Variants in SUPT3H observed in about 807,000 individuals in gnomAD.
SUPT3H encodes the protein transcription initiation protein SPT3 homolog.
A neutral mutation model predicts 44.3 loss-of-function variants in SUPT3H; 44 were observed. The observed-to-expected ratio is 0.99, with a 90% CI of 0.78 to 1.28. The LOEUF is 1.28. SUPT3H is among the 50% of genes most tolerant of loss of function. The pLI is 0.00. For missense variants in SUPT3H, 380 were observed against 387.1 expected, an observed-to-expected ratio of 0.98 and a Z score of 0.15; for synonymous variants, 124 against 125.6, an observed-to-expected ratio of 0.99 and a Z score of 0.09.
chr6:45,044,446 G>A (rs549660269), intron 3 of SUPT3H, among the ~76,000 whole-genome samples: 2 of 152,172 alleles, frequency 1.3e-5, no homozygotes, highest in South Asian at 4.1e-4. Context: ...GTAATGTTAG[G>A]CTAGATCTCC....
intron 2 of SUPT3H, among the ~76,000 whole-genome samples, chr6:45,178,715 C>G (rs560142881): frequency 6.6e-6 from 1 of 152,318 alleles, no homozygotes; most frequent in Non-Finnish European, 1.5e-5. Flanking sequence ...AACAAACTGT[C>G]TCTCAGACCA....
intron 2 of SUPT3H, among the ~76,000 whole-genome samples, chr6:45,240,276 C>T (rs183297269): frequency 1.7e-4 from 26 of 152,252 alleles, no homozygotes; most frequent in African/African-American, 1.2e-4. Context: ...CTGAGGAAAG[C>T]GGACAACCTG....
intron 3 of SUPT3H, among the ~76,000 whole-genome samples, chr6:45,042,234 C>T (rs1174085471): frequency 6.6e-6 from 1 of 152,030 alleles, no homozygotes; most frequent in Admixed American, 6.6e-5. Context: ...ACCAGCCTGG[C>T]CAACATGGTG....
At chr6:45,372,365 G>C (rs1303669186) in intron 1 of SUPT3H, among the ~76,000 whole-genome samples, 1 of 152,182 alleles carries the variant, frequency 6.6e-6, no homozygotes, top group Non-Finnish European at 1.5e-5. Context: ...CAAAAGCATA[G>C]CTTCTTGAAA....
At chr6:45,336,938 A>G (rs1428920408) in intron 2 of SUPT3H, among the ~76,000 whole-genome samples, 1 of 151,698 alleles carries the variant, frequency 6.6e-6, no homozygotes, top group Admixed American at 6.6e-5. Context: ...TCATTATTAT[A>G]AACTGGCATA....
chr6:45,032,507 G>T (rs1787097910), intron 3 of SUPT3H, among the ~76,000 whole-genome samples: 1 of 152,160 alleles, frequency 6.6e-6, no homozygotes. Context: ...AAGGAAAAGA[G>T]ATTCCACTAA....
chr6:45,026,879 TTTTTGAAAAA>T (rs1483135194), intron 3 of SUPT3H, among the ~76,000 whole-genome samples: 14 of 152,168 alleles, frequency 9.2e-5, no homozygotes, highest in Admixed American at 9.2e-4. Flanking sequence ...TACCAAACTA[TTTTTGAAAAA>T]TTTGAAATGT....
chr6:45,046,209 C>T (rs1020892529), intron 3 of SUPT3H, among the ~76,000 whole-genome samples: 1 of 152,164 alleles, frequency 6.6e-6, no homozygotes, highest in Non-Finnish European at 1.5e-5. Context: ...ATTATCTAAC[C>T]TGTCAAACTG....
intron 2 of SUPT3H, among the ~76,000 whole-genome samples, chr6:45,321,138 TATAA>T (rs1196467457): frequency 7.9e-5 from 12 of 152,106 alleles, no homozygotes; most frequent in African/African-American, 2.9e-4. Context: ...ATTTGCCATA[TATAA>T]ATAAACTGTG....
chr6:45,141,461 T>A (rs563088151), intron 2 of SUPT3H, among the ~76,000 whole-genome samples: 95 of 143,116 alleles, frequency 6.6e-4, no homozygotes, highest in Non-Finnish European at 1.2e-3. Flanking sequence ...GTACAGCATA[T>A]AGATGAAAAA....
chr6:45,017,501 C>T (rs1016220350), intron 4 of SUPT3H, among the ~76,000 whole-genome samples: 1 of 151,972 alleles, frequency 6.6e-6, no homozygotes, highest in Non-Finnish European at 1.5e-5. Flanking sequence ...AGTCTTTAAT[C>T]CATCTTGAAT....
chr6:45,087,360 G>A (rs1796599805), intron 3 of SUPT3H, among the ~76,000 whole-genome samples: 1 of 151,664 alleles, frequency 6.6e-6, no homozygotes, highest in Non-Finnish European at 1.5e-5. Flanking sequence ...CACAAGGAAA[G>A]GGCACACGAA....
intron 10 of SUPT3H, among the ~76,000 whole-genome samples, chr6:44,832,795 C>T (rs942790586): frequency 9.9e-5 from 15 of 152,016 alleles, no homozygotes; most frequent in African/African-American, 3.4e-4. Context: ...TAAGCAGATA[C>T]AGATTTTACC....
rs533024433 is a variant in SUPT3H, at chr6:45,322,055, T to A, written c.101+43146A>T. Among the ~76,000 whole-genome samples, 31 of 152,180 alleles carry A rather than the reference T, an allele frequency of 2.0e-4. 1 individual carries two copies. The South Asian group carries it at 5.2e-3, about 25-fold the overall frequency. ...TAACTTAATAAGAATCATGAATAAT[T>A]ATCCAATGCAGCATTTTATAAAAAG... is the stretch of plus-strand genomic sequence containing the variant. On this transcript the variant is annotated intron_variant, in intron 2 of 10. Coordinates refer to ENST00000371459, the MANE Select transcript of SUPT3H (RefSeq NM_003599.4).
chr6:45,177,750 G>A (rs1352299317), intron 2 of SUPT3H, among the ~76,000 whole-genome samples: 3 of 151,992 alleles, frequency 2.0e-5, no homozygotes, highest in East Asian at 3.8e-4. Flanking sequence ...CCAGAAGAGA[G>A]TGGGGGCCAA....
intron 10 of SUPT3H, among the ~76,000 whole-genome samples, chr6:44,868,068 C>T (rs1394051465): frequency 1.3e-5 from 2 of 151,646 alleles, no homozygotes; most frequent in Non-Finnish European, 2.9e-5. Context: ...ACTGAATATG[C>T]TCAGATTTGA....
intron 2 of SUPT3H, among the ~76,000 whole-genome samples, chr6:45,112,356 G>A (rs915777000): frequency 3.3e-5 from 5 of 151,854 alleles, no homozygotes; most frequent in African/African-American, 1.2e-4. Context: ...TTTATCCCTG[G>A]CCTTATATGT....
intron 3 of SUPT3H, among the ~76,000 whole-genome samples, chr6:45,036,435 G>C (rs1484728409): frequency 2.6e-5 from 4 of 151,954 alleles, no homozygotes; most frequent in Admixed American, 2.6e-4. Flanking sequence ...AGGTGGGGTG[G>C]GGGACATGTC....
At chr6:44,882,313 C>T (rs1406815488) in intron 10 of SUPT3H, among the ~76,000 whole-genome samples, 1 of 152,162 alleles carries the variant, frequency 6.6e-6, no homozygotes, top group Non-Finnish European at 1.5e-5. Context: ...TGGACACATA[C>T]ACCCTCCCAA....
Sources: gnomAD v4.1 joint callset for allele counts (sites outside exome capture counted in the v4.1 genomes callset) on GRCh38, gnomAD v4.1.1 for gene constraint, MANE v1.5 for transcripts, NCBI Gene and HGNC (gene_info 2026-07-23, HGNC 2026-07-21) for gene names.